ATF7: variants seen among roughly 807,000 people sequenced by gnomAD.
The protein encoded by ATF7 is activating transcription factor 7, also known as cyclic AMP-dependent transcription factor ATF-7.
In ATF7, 10 loss-of-function variants were observed where a neutral mutation model predicts 50.4. The ratio of observed to expected loss-of-function variants is 0.20; its 90% CI spans 0.12 to 0.34. The LOEUF (loss-of-function observed/expected upper bound fraction) is 0.34, where lower values mean the gene tolerates loss of function less well. Ranked by LOEUF, ATF7 falls within the 10% of genes least tolerant of loss-of-function variation. ATF7 has a pLI of 1.00. For synonymous variants in ATF7, 201 were observed against 226.4 expected, an observed-to-expected ratio of 0.89 and a Z score of 1.01; for missense variants, 465 against 613.9, an observed-to-expected ratio of 0.76 and a Z score of 2.56.
intron 2 of ATF7, among the ~76,000 whole-genome samples, chr12:53,572,071 A>C (rs561972109): frequency 6.6e-6 from 1 of 152,306 alleles, no homozygotes; most frequent in East Asian, 1.9e-4. Context: ...CATCTCAAAA[A>C]AAAAAAAGAA....
rs1230469150 is a variant in ATF7 at position 53,516,776 on chromosome 12, GGGAACTGAGA to G, written c.*351_*360del. On this transcript the variant is annotated 3_prime_UTR_variant, in exon 12 of 12. Transcript: ENST00000420353. ...ACAGCCACGGCTTAGTGGGAAGAGA[GGGAACTGAGA>G]AACCCCAAACCTAGAAGTGCCAAGG... 4.3e-6 allele frequency: 1 copy of G among 229,888 alleles called. No individual in the cohort carries two copies. Among genetic ancestry groups the G allele is most frequent in the Non-Finnish European group, 8.9e-6 (1 of 112,558 alleles). The allele number at this position is 229,888 out of a possible 1,614,324, so 14.2% of individuals were successfully genotyped here. A position where few individuals can be genotyped will look rare whatever the true frequency, so the allele number is the denominator to read the frequency against.
chr12:53,548,761 T>C (rs1474141077), intron 3 of ATF7, among the ~76,000 whole-genome samples: 2 of 151,840 alleles, frequency 1.3e-5, no homozygotes, highest in Non-Finnish European at 2.9e-5. Flanking sequence ...GGCAAGAGGG[T>C]TGCCTGAGGC....
At chr12:53,625,367 G>C (rs1944560916) in intron 1 of ATF7, among the ~76,000 whole-genome samples, 1 of 152,086 alleles carries the variant, frequency 6.6e-6, no homozygotes, top group Non-Finnish European at 1.5e-5. Context: ...TTGGAGGCTG[G>C]TCACCAGTCT....
intron 2 of ATF7, among the ~76,000 whole-genome samples, chr12:53,594,734 CA>C (rs1943082274): frequency 6.6e-6 from 1 of 151,944 alleles, no homozygotes; most frequent in Non-Finnish European, 1.5e-5. Context: ...CTAAAAAATA[CA>C]AAAATTAGCC....
intron 7 of ATF7, among the ~76,000 whole-genome samples, 176 bp from the exon 8 acceptor site, chr12:53,532,799 A>G (rs1411081880): frequency 6.6e-6 from 1 of 152,190 alleles, no homozygotes; most frequent in East Asian, 1.9e-4. Flanking sequence ...ATGGAGCACC[A>G]GAGTAGGGAA....
At chr12:53,576,959 G>C (rs1266854384) in intron 2 of ATF7, among the ~76,000 whole-genome samples, 6 of 152,190 alleles carry the variant, frequency 3.9e-5, no homozygotes, top group African/African-American at 1.4e-4. Context: ...AGGAGGCTGA[G>C]GCATGAGAAT....
At chr12:53,550,197 G>A (rs1398075412) in intron 3 of ATF7, among the ~76,000 whole-genome samples, 2 of 151,684 alleles carry the variant, frequency 1.3e-5, no homozygotes, top group Non-Finnish European at 2.9e-5. Context: ...AGTGGTGCGC[G>A]CCTACAATCC....
chr12:53,521,400 C>T (rs984072563), intron 11 of ATF7, among the ~76,000 whole-genome samples: 1 of 152,154 alleles, frequency 6.6e-6, no homozygotes, highest in Admixed American at 6.5e-5. Flanking sequence ...GCTGCTATTA[C>T]GTCCCCTACT....
chr12:53,532,665 T>A, intron 7 of ATF7, 42 bp from the exon 8 acceptor site: 1 of 1,382,876 alleles, frequency 7.2e-7, no homozygotes, highest in South Asian at 1.3e-5. Flanking sequence ...GAAGGGAACA[T>A]AATACCATCG....
At chr12:53,593,285 T>C (rs961420232) in intron 2 of ATF7, among the ~76,000 whole-genome samples, 8 of 152,110 alleles carry the variant, frequency 5.3e-5, no homozygotes. Context: ...TGTGCACCTG[T>C]AGTCCCAGCT....
chr12:53,533,912 C>T (rs1055227178), intron 6 of ATF7, among the ~76,000 whole-genome samples: 6 of 152,226 alleles, frequency 3.9e-5, no homozygotes, highest in African/African-American at 1.2e-4. Context: ...GTGGTTTCCA[C>T]ACTGTAATGA....
intron 2 of ATF7, among the ~76,000 whole-genome samples, chr12:53,598,264 AAG>A (rs568668308): frequency 3.9e-4 from 60 of 152,342 alleles, no homozygotes; most frequent in African/African-American, 1.4e-3. Context: ...AATATAACTA[AAG>A]AACTATAATC....
At position 53,534,635 on chromosome 12, in the gene ATF7, T is replaced by C. The variant is rs1388109792; in HGVS notation, c.427A>G (p.Ile143Val). ...ACAATGGTGGGTGTGGGGGTAGAGA[T>C]CAGAACAGGCTTTGGGGTAACCTCC... ...EKEVTPKPVL[I>V]STPTPTIVRP... The change falls in exon 6 of 12, where the codon ATC becomes GTC. Residue 143 changes from isoleucine to valine, a missense_variant. Coordinates refer to ENST00000420353, the MANE Select transcript of ATF7 (RefSeq NM_006856.3). 6.2e-7 allele frequency: 1 copy of C among 1,612,478 alleles called. No individual in the cohort carries two copies. The highest frequency in any genetic ancestry group is 8.5e-7 in the Non-Finnish European group (1 of 1,179,478).
chr12:53,624,190 C>T (rs1944510517), intron 1 of ATF7, among the ~76,000 whole-genome samples: 1 of 152,208 alleles, frequency 6.6e-6, no homozygotes, highest in Non-Finnish European at 1.5e-5. Flanking sequence ...TGTCCAATAG[C>T]AATGCACTTA....
chr12:53,601,310 GTC>G (rs1254629155), intron 1 of ATF7, among the ~76,000 whole-genome samples: 1 of 152,120 alleles, frequency 6.6e-6, no homozygotes, highest in Non-Finnish European at 1.5e-5. Flanking sequence ...CACTTCTCCA[GTC>G]TGTTGAATTA....
chr12:53,543,794 T>G (rs1179433723), intron 3 of ATF7: 1 of 220,412 alleles, frequency 4.5e-6, no homozygotes, highest in Non-Finnish European at 8.9e-6. Flanking sequence ...ACCTCTAGAT[T>G]TGAAAACCAA....
chr12:53,553,041 A>T (rs575653803), intron 2 of ATF7, among the ~76,000 whole-genome samples: 1 of 152,314 alleles, frequency 6.6e-6, no homozygotes. Context: ...TAGGAAATTG[A>T]GAATGAAGCC....
At chr12:53,539,731 A>AATG (rs1939428346) in intron 4 of ATF7, among the ~76,000 whole-genome samples, 1 of 150,234 alleles carries the variant, frequency 6.7e-6, no homozygotes, top group Non-Finnish European at 1.5e-5. Context: ...TGAATGAATG[A>AATG]AAAAAAATGA....
At chr12:53,530,603 G>A (rs963236982) in intron 9 of ATF7, among the ~76,000 whole-genome samples, 4 of 151,244 alleles carry the variant, frequency 2.6e-5, no homozygotes, top group Admixed American at 2.6e-4. Flanking sequence ...TATTTTTGTT[G>A]TTGTTGTTAG....
Sources: allele counts gnomAD v4.1 joint callset (sites outside exome capture counted in the v4.1 genomes callset), GRCh38; gene constraint gnomAD v4.1.1; transcripts MANE v1.5; gene names NCBI Gene and HGNC (gene_info 2026-07-23, HGNC 2026-07-21).